The following UNC13C variants were observed in gnomAD, a reference collection of about 807,000 sequenced individuals.
UNC13C encodes protein unc-13 homolog C.
UNC13C carries 174 observed loss-of-function variants against 245.4 expected under a neutral mutation model. The observed-to-expected ratio is 0.71, with a 90% CI of 0.63 to 0.80. UNC13C has a LOEUF of 0.80. UNC13C is among the 30% of genes least tolerant of loss of function. The probability of loss-of-function intolerance (pLI) is 0.00; values close to 1 mark genes in which losing one functional copy is unlikely to be tolerated. For synonymous variants in UNC13C, 992 were observed against 895.1 expected (o/e 1.11, Z -1.93); for missense variants, 2,829 against 2,602.9 (o/e 1.09, Z -1.89).
At chr15:53,948,917 A>G in the UNC13C span, among the ~76,000 whole-genome samples, 6 of 152,160 alleles carry the variant, frequency 3.9e-5, no homozygotes, top group African/African-American at 1.4e-4. Flanking sequence ...TATTGTACTT[A>G]AAGAGCTTGG....
At chr15:54,336,414 C>T (rs1363580906) in intron 16 of UNC13C, among the ~76,000 whole-genome samples, 1 of 151,582 alleles carries the variant, frequency 6.6e-6, no homozygotes, top group East Asian at 1.9e-4. Context: ...ATTATTTTTG[C>T]CTTGTTTGTG....
At chr15:54,610,448 C>A (rs1900024891) in intron 30 of UNC13C, among the ~76,000 whole-genome samples, 1 of 152,116 alleles carries the variant, frequency 6.6e-6, no homozygotes, top group South Asian at 2.1e-4. Flanking sequence ...GTTGTCCAGG[C>A]TGGTCTCAAA....
At chr15:54,320,278 C>G (rs566825417) in intron 13 of UNC13C, among the ~76,000 whole-genome samples, 15 of 152,066 alleles carry the variant, frequency 9.9e-5, no homozygotes, top group Admixed American at 7.2e-4. Context: ...AGTAGGGAAA[C>G]TCCTGCGCAG....
intron 30 of UNC13C, among the ~76,000 whole-genome samples, chr15:54,574,439 A>G (rs1332759195): frequency 6.6e-6 from 1 of 152,248 alleles, no homozygotes; most frequent in Non-Finnish European, 1.5e-5. Context: ...ATTTCATGAT[A>G]CCAAGGGCTC....
At chr15:54,259,471 G>A (rs997192462) in intron 8 of UNC13C, among the ~76,000 whole-genome samples, 1 of 152,166 alleles carries the variant, frequency 6.6e-6, no homozygotes, top group African/African-American at 2.4e-5. Flanking sequence ...GCAAATGAAA[G>A]GGGTTTCCCC....
chr15:54,215,236 C>A (rs78718068), intron 4 of UNC13C, among the ~76,000 whole-genome samples: 4,679 of 151,922 alleles, frequency 0.031, 242 homozygotes, highest in African/African-American at 0.11. Flanking sequence ...ATTGAGAAAA[C>A]CTTCAGGAGA....
At chr15:54,010,442 G>A (rs1304654370) in intron 1 of UNC13C, among the ~76,000 whole-genome samples, 1 of 152,110 alleles carries the variant, frequency 6.6e-6, no homozygotes, top group Non-Finnish European at 1.5e-5. Flanking sequence ...CAAATATATA[G>A]ATATTCTATA....
intron 1 of UNC13C, among the ~76,000 whole-genome samples, chr15:54,007,922 T>C (rs1395066423): frequency 6.6e-6 from 1 of 152,196 alleles, no homozygotes; most frequent in Non-Finnish European, 1.5e-5. Flanking sequence ...TGTCCCTTTG[T>C]CTTCTTTGTC....
At chr15:54,142,261 T>C (rs1413833612) in intron 2 of UNC13C, among the ~76,000 whole-genome samples, 1 of 152,152 alleles carries the variant, frequency 6.6e-6, no homozygotes, top group Non-Finnish European at 1.5e-5. Context: ...GGCCCTATGA[T>C]TTATCTTGCA....
the UNC13C span, among the ~76,000 whole-genome samples, chr15:53,856,785 C>G: frequency 6.6e-6 from 1 of 152,074 alleles, no homozygotes; most frequent in Non-Finnish European, 1.5e-5. Flanking sequence ...CTGTAGATAC[C>G]TATCAGGTCC....
chr15:54,524,294 G>A (rs1337574307), intron 24 of UNC13C, among the ~76,000 whole-genome samples: 3 of 150,452 alleles, frequency 2.0e-5, no homozygotes, highest in Non-Finnish European at 4.4e-5. Flanking sequence ...TGTGTGTCTG[G>A]ACAAGAGCTG....
At chr15:54,307,541 G>T (rs895192865) in intron 13 of UNC13C, among the ~76,000 whole-genome samples, 3 of 151,910 alleles carry the variant, frequency 2.0e-5, no homozygotes, top group Admixed American at 6.6e-5. Context: ...CTTGTCTCTA[G>T]TAAGCTCCTG....
intron 2 of UNC13C, among the ~76,000 whole-genome samples, chr15:54,044,996 T>C (rs990251730): frequency 1.3e-5 from 2 of 152,162 alleles, no homozygotes; most frequent in African/African-American, 4.8e-5. Context: ...CATATGTGAT[T>C]TAAAATATTT....
At chr15:54,008,890 T>G (rs917729167) in intron 1 of UNC13C, among the ~76,000 whole-genome samples, 1 of 152,246 alleles carries the variant, frequency 6.6e-6, no homozygotes. Context: ...TTTATCTCTT[T>G]GAATCTCTTA....
intron 19 of UNC13C, among the ~76,000 whole-genome samples, chr15:54,451,057 A>G (rs1175744022): frequency 6.6e-6 from 1 of 152,122 alleles, no homozygotes; most frequent in African/African-American, 2.4e-5. Context: ...TGAATATATC[A>G]TCTCTGTAAG....
chr15:54,168,204 T>C (rs1482006797), intron 4 of UNC13C, among the ~76,000 whole-genome samples: 2 of 152,238 alleles, frequency 1.3e-5, no homozygotes, highest in African/African-American at 4.8e-5. Flanking sequence ...AAAATATACT[T>C]GACTATAAAG....
chr15:54,369,655 A>G (rs1038134528), intron 17 of UNC13C, among the ~76,000 whole-genome samples: 4 of 152,174 alleles, frequency 2.6e-5, no homozygotes, highest in Admixed American at 6.6e-5. Context: ...AAAGGTTCTT[A>G]GATTGTCTTT....
intron 4 of UNC13C, among the ~76,000 whole-genome samples, chr15:54,205,162 G>C (rs2034667184): frequency 6.6e-6 from 1 of 151,896 alleles, no homozygotes; most frequent in African/African-American, 2.4e-5. Flanking sequence ...TCTTGGGTCA[G>C]GGAATATGGT....
At chr15:53,985,359 A>T (rs1358572655) in intron 1 of UNC13C, among the ~76,000 whole-genome samples, 2 of 148,160 alleles carry the variant, frequency 1.3e-5, no homozygotes, top group Non-Finnish European at 1.5e-5. Flanking sequence ...CTTTTTTTTA[A>T]ATTTTATTAT....
Sources: allele counts gnomAD v4.1 joint callset (sites outside exome capture counted in the v4.1 genomes callset), GRCh38; gene constraint gnomAD v4.1.1; transcripts MANE v1.5; gene names NCBI Gene and HGNC (gene_info 2026-07-23, HGNC 2026-07-21).